CNTN5: variants seen among roughly 807,000 people sequenced by gnomAD.
CNTN5 encodes contactin-5.
A neutral mutation model predicts 129.1 loss-of-function variants in CNTN5; 77 were observed. The observed-to-expected ratio is 0.60, with a 90% CI of 0.50 to 0.72. The LOEUF (loss-of-function observed/expected upper bound fraction) is 0.72, where lower values mean the gene tolerates loss of function less well. Ranked by LOEUF, CNTN5 falls within the 30% of genes least tolerant of loss-of-function variation. The pLI, the probability that CNTN5 is intolerant of heterozygous loss-of-function variation, is 0.00. For synonymous variants in CNTN5, 509 were observed against 465.6 expected (o/e 1.09, Z -1.20); for missense variants, 1,478 against 1,328.8 (o/e 1.11, Z -1.75).
At chr11:99,582,654 A>G (rs1949649324) in intron 3 of CNTN5, among the ~76,000 whole-genome samples, 1 of 152,242 alleles carries the variant, frequency 6.6e-6, no homozygotes, top group South Asian at 2.1e-4. Context: ...CATAGTTCTC[A>G]TGCCATGCTT....
intron 3 of CNTN5, among the ~76,000 whole-genome samples, chr11:99,619,843 G>A (rs1439115694): frequency 6.6e-6 from 1 of 151,806 alleles, no homozygotes; most frequent in Non-Finnish European, 1.5e-5. Context: ...TGGCTAACAC[G>A]CTGAAACCCT....
intron 1 of CNTN5, 110 bp downstream of exon 1, chr11:99,021,380 T>C (rs1275132214): frequency 6.6e-6 from 1 of 152,218 alleles, no homozygotes; most frequent in African/African-American, 2.4e-5. Flanking sequence ...CATCCTTTCT[T>C]GCCATGTTGC....
At chr11:99,706,144 A>C (rs1954746956) in intron 3 of CNTN5, among the ~76,000 whole-genome samples, 1 of 151,494 alleles carries the variant, frequency 6.6e-6, no homozygotes, top group African/African-American at 2.4e-5. Context: ...GCTATCAATA[A>C]AAGAGGGACT....
intron 3 of CNTN5, among the ~76,000 whole-genome samples, chr11:99,694,483 G>A (rs2134813242): frequency 6.6e-6 from 1 of 152,210 alleles, no homozygotes; most frequent in Middle Eastern, 3.4e-3. Flanking sequence ...GTGAGTAACA[G>A]TTTTAGACTT....
At position 99,658,614 on chromosome 11, in the gene CNTN5, G is replaced by C. The variant is rs868829318; in HGVS notation, c.55+102345G>C. Among the ~76,000 whole-genome samples, 77 of 148,868 alleles carry C rather than the reference G, an allele frequency of 5.2e-4. 3 individuals carry two copies. Among genetic ancestry groups the C allele is most frequent in the Middle Eastern group, 3.4e-3 (1 of 290 alleles). ...GGGCCTAGCGCAGAGGCTCATGCCTGTAATCCCAGCACTTTGGGAGGCTGA... is the reference window on the plus strand; with the variant it reads ...GGGCCTAGCGCAGAGGCTCATGCCTCTAATCCCAGCACTTTGGGAGGCTGA... On this transcript the variant is annotated intron_variant, in intron 3 of 24. Coordinates refer to ENST00000524871, the MANE Select transcript of CNTN5 (RefSeq NM_014361.4).
At chr11:99,291,589 T>A (rs1266122170) in intron 1 of CNTN5, among the ~76,000 whole-genome samples, 1 of 151,958 alleles carries the variant, frequency 6.6e-6, no homozygotes, top group African/African-American at 2.4e-5. Context: ...AAATGTGACA[T>A]TAAAATAAAA....
At chr11:99,651,145 G>A (rs189735142) in intron 3 of CNTN5, among the ~76,000 whole-genome samples, 4 of 152,000 alleles carry the variant, frequency 2.6e-5, no homozygotes, top group African/African-American at 7.2e-5. Context: ...GCAAGATACA[G>A]GTGAATAATT....
rs533737723 is a variant in CNTN5, at chr11:99,524,082, A to G, written c.-70-32063A>G. Among the ~76,000 whole-genome samples, 7 of 151,940 alleles carry G rather than the reference A, an allele frequency of 4.6e-5. No homozygotes were observed. In the East Asian group the frequency reaches 5.8e-4, roughly 13 times the overall value. On this transcript the variant is annotated intron_variant, in intron 2 of 24. Transcript: ENST00000524871. ...GAAATAAATAAATACCTATAAAAGT[A>G]AAAAAATGAATGAAAATAACTTTTC...
intron 21 of CNTN5, among the ~76,000 whole-genome samples, chr11:100,318,030 A>G (rs1049909730): frequency 6.6e-5 from 10 of 152,126 alleles, no homozygotes; most frequent in Non-Finnish European, 4.4e-5. Flanking sequence ...TCATGAGGTC[A>G]GGAGATCGAG....
chr11:100,259,309 A>C (rs1289409714), intron 17 of CNTN5, among the ~76,000 whole-genome samples: 1 of 152,188 alleles, frequency 6.6e-6, no homozygotes, highest in Middle Eastern at 3.2e-3. Flanking sequence ...GTCCTTAGAG[A>C]TCTACAAAGA....
chr11:100,243,535 A>G (rs1949783469), intron 16 of CNTN5, among the ~76,000 whole-genome samples: 1 of 152,174 alleles, frequency 6.6e-6, no homozygotes, highest in African/African-American at 2.4e-5. Flanking sequence ...TGAGTGTCAC[A>G]TAGATTCCAT....
chr11:99,432,268 C>A (rs111235947), intron 2 of CNTN5, among the ~76,000 whole-genome samples: 123 of 152,086 alleles, frequency 8.1e-4, no homozygotes, highest in African/African-American at 2.8e-3. Flanking sequence ...AAACAGAGGG[C>A]AGGGGCAAAT....
chr11:99,331,912 G>A (rs996946166), intron 2 of CNTN5, among the ~76,000 whole-genome samples: 2 of 152,160 alleles, frequency 1.3e-5, no homozygotes, highest in Non-Finnish European at 2.9e-5. Flanking sequence ...GAGCCATGTT[G>A]CTCTTTTTTC....
intron 7 of CNTN5, among the ~76,000 whole-genome samples, chr11:99,933,634 G>C (rs1016636237): frequency 6.6e-6 from 1 of 152,168 alleles, no homozygotes; most frequent in South Asian, 2.1e-4. Context: ...TGAGATTCAG[G>C]CATGTTGCTG....
At chr11:100,296,204 A>G (rs1410784426) in intron 18 of CNTN5, among the ~76,000 whole-genome samples, 7 of 151,506 alleles carry the variant, frequency 4.6e-5, no homozygotes, top group Admixed American at 1.3e-4. Context: ...GGTTTTTCAG[A>G]CATGGTTATA....
chr11:100,216,191 G>T (rs527392675), intron 15 of CNTN5, among the ~76,000 whole-genome samples: 1 of 152,180 alleles, frequency 6.6e-6, no homozygotes, highest in East Asian at 1.9e-4. Context: ...GCTGGGCTCT[G>T]CTTATTTCAA....
chr11:99,317,187 G>A (rs1419317321), intron 1 of CNTN5, among the ~76,000 whole-genome samples: 3 of 152,126 alleles, frequency 2.0e-5, no homozygotes, highest in Non-Finnish European at 2.9e-5. Context: ...TGGTAAATGC[G>A]TGACAAATGG....
chr11:99,556,380 G>C, intron 3 of CNTN5, 111 bp downstream of exon 3: 2 of 583,458 alleles, frequency 3.4e-6, no homozygotes, highest in Admixed American at 3.6e-5. Flanking sequence ...ATTTATATCA[G>C]TATTTATACT....
intron 3 of CNTN5, among the ~76,000 whole-genome samples, chr11:99,780,603 G>T (rs1169883637): frequency 6.6e-6 from 1 of 152,032 alleles, no homozygotes; most frequent in African/African-American, 2.4e-5. Context: ...TTATTACAAG[G>T]ATTAGCTCTA....
Sources: gnomAD v4.1 joint callset for allele counts (sites outside exome capture counted in the v4.1 genomes callset) on GRCh38, gnomAD v4.1.1 for gene constraint, MANE v1.5 for transcripts, NCBI Gene and HGNC (gene_info 2026-07-23, HGNC 2026-07-21) for gene names.